The following NCR1 variants were observed in gnomAD, a reference collection of about 807,000 sequenced individuals.
NCR1 encodes natural cytotoxicity triggering receptor 1, also known as NK cell-activating receptor.
A neutral mutation model predicts 32.5 loss-of-function variants in NCR1; 30 were observed. The observed-to-expected ratio is 0.92, with a 90% confidence interval of 0.69 to 1.25. The LOEUF (loss-of-function observed/expected upper bound fraction) is 1.25, where lower values mean the gene tolerates loss of function less well. NCR1 is among the 50% of genes most tolerant of loss of function. The pLI is 0.00. For synonymous variants in NCR1, 169 were observed against 143.4 expected (o/e 1.18, Z -1.28); for missense variants, 369 against 380.7 (o/e 0.97, Z 0.26).
chr19:54,934,995 C>T, the NCR1 span, among the ~76,000 whole-genome samples: 5 of 152,282 alleles, frequency 3.3e-5, no homozygotes, highest in East Asian at 5.8e-4. The surrounding 1 kb of genome is among the most constrained non-coding windows in gnomAD (Gnocchi z 6.7). Context: ...CCGCGCCTGG[C>T]CCAGATCAGC....
downstream of NCR1, among the ~76,000 whole-genome samples, chr19:54,916,317 C>CT (rs71181711): frequency 0.12 from 10,603 of 86,930 alleles, 1,566 homozygotes; most frequent in Non-Finnish European, 0.17. Flanking sequence ...GAATATTGTG[C>CT]TTTTTTTTTT....
At chr19:54,937,938 C>T in the NCR1 span, 1 of 837,124 alleles carries the variant, frequency 1.2e-6, no homozygotes, top group East Asian at 2.4e-5. Flanking sequence ...TGGAAAATCC[C>T]CAAATACATG....
At chr19:54,933,673 C>G in the NCR1 span, 6 of 1,613,882 alleles carry the variant, frequency 3.7e-6, no homozygotes, top group African/African-American at 8.0e-5. Flanking sequence ...GTGTCAGCTT[C>G]TTGCTGACAA....
At chr19:54,934,556 G>A in the NCR1 span, 14 of 1,614,008 alleles carry the variant, frequency 8.7e-6, no homozygotes, top group South Asian at 1.4e-4. This position sits in a 1 kb window ranked among gnomAD's most constrained non-coding sequence, Gnocchi z 6.7. Flanking sequence ...CCCTCATCCA[G>A]GAGCACATTG....
intron 4 of NCR1, among the ~76,000 whole-genome samples, chr19:54,909,733 G>A (rs923339717): frequency 3.3e-5 from 5 of 151,906 alleles, no homozygotes; most frequent in Non-Finnish European, 5.9e-5. Context: ...TCAGGAGTTC[G>A]AGACCAGCCT....
chr19:54,930,259 G>GAATTCA, the NCR1 span, among the ~76,000 whole-genome samples: 13 of 151,892 alleles, frequency 8.6e-5, no homozygotes, highest in Non-Finnish European at 2.9e-5. Flanking sequence ...TTGAGCACCA[G>GAATTCA]AATTCAAAAC....
the NCR1 span, among the ~76,000 whole-genome samples, chr19:54,926,789 G>A: frequency 3.3e-5 from 5 of 151,764 alleles, no homozygotes; most frequent in Admixed American, 1.3e-4. Context: ...GGTGGCGAGC[G>A]ACTGTAATCC....
At chr19:54,903,197 G>T (rs1362555462), upstream of NCR1, among the ~76,000 whole-genome samples, 2 of 151,528 alleles carry the variant, frequency 1.3e-5, no homozygotes, top group Non-Finnish European at 2.9e-5. Flanking sequence ...TTGTACAGTA[G>T]TCACATGTAT....
chr19:54,906,321 C>A lies in NCR1; in HGVS notation c.57C>A (p.Ile19=). Residue 19 remains isoleucine (I), a synonymous_variant, in exon 2 of 7, where the codon ATC becomes ATA. Coordinates refer to ENST00000291890, the MANE Select transcript of NCR1 (RefSeq NM_004829.7). ...CAGGGCTGTGTCTGAGTCAGAGGAT[C>A]AGCGCCCAGCAGCGTGAGTCCTTCC... ...LCVGLCLSQR[I]SAQQQTLPKP... The A allele has an allele frequency of 6.2e-7, 1 of 1,613,874 alleles. No homozygotes were observed. The highest frequency in any genetic ancestry group is 1.1e-5 in the South Asian group (1 of 91,084).
chr19:54,912,659 G>A (rs753612938), intron 6 of NCR1, 31 bp from the exon 7 acceptor site: 3 of 896,820 alleles, frequency 3.3e-6, no homozygotes, highest in Non-Finnish European at 3.4e-6. Flanking sequence ...TTACATCCCT[G>A]TCAGCGATCA....
the NCR1 span, chr19:54,936,162 G>C: frequency 1.9e-6 from 2 of 1,031,816 alleles, no homozygotes; most frequent in South Asian, 2.6e-5. Flanking sequence ...TTCCCTGTCT[G>C]GGACGGCATC....
chr19:54,927,890 G>C, the NCR1 span: 1 of 875,042 alleles, frequency 1.1e-6, no homozygotes, highest in Non-Finnish European at 1.9e-6. Flanking sequence ...CCAGGTGTTC[G>C]AGACCAGCCT....
chr19:54,912,195 C>T lies in NCR1; in HGVS notation c.710C>T (p.Thr237Ile). Residue 237 changes from threonine to isoleucine, a missense_variant, in exon 6 of 7, where the codon ACC (threonine) becomes ATC (isoleucine). Physicochemically the swap from Thr to Ile is moderately conservative, Grantham distance 89. Transcript: ENST00000291890. ...GACACTTGGGGCACCTACCTTTTAA[C>T]CACAGAGACGGGACTCCAGAAAGGT... ...PADTWGTYLL[T>I]TETGLQKDHA... is the part of the protein sequence containing the mutation. 1 of 1,613,942 alleles carries T rather than the reference C, an allele frequency of 6.2e-7. No homozygotes were observed. The highest frequency in any genetic ancestry group is 8.5e-7 in the Non-Finnish European group (1 of 1,179,908).
chr19:54,929,319 C>T, the NCR1 span, among the ~76,000 whole-genome samples: 7 of 152,108 alleles, frequency 4.6e-5, no homozygotes, highest in African/African-American at 1.7e-4. Context: ...GAGCCAAGAT[C>T]GCACCACTGC....
the NCR1 span, among the ~76,000 whole-genome samples, chr19:54,921,359 A>C: frequency 6.6e-6 from 1 of 152,224 alleles, no homozygotes; most frequent in Non-Finnish European, 1.5e-5. Flanking sequence ...GCATTTGAGA[A>C]GACTTATCTT....
chr19:54,918,761 G>T (rs1602082781), downstream of NCR1, among the ~76,000 whole-genome samples: 1 of 151,568 alleles, frequency 6.6e-6, no homozygotes, highest in East Asian at 2.0e-4. Context: ...CAGGTGTATC[G>T]CCTGAGGCCA....
downstream of NCR1, chr19:54,915,831 G>T (rs2068120687): frequency 8.0e-6 from 1 of 124,910 alleles, no homozygotes; most frequent in Non-Finnish European, 1.6e-5. Flanking sequence ...GACAGAGCGA[G>T]ACTCCATCTC....
upstream of NCR1, among the ~76,000 whole-genome samples, chr19:54,903,491 CATAT>C (rs913662242): frequency 7.7e-6 from 1 of 129,282 alleles, no homozygotes; most frequent in African/African-American, 2.7e-5. Flanking sequence ...TATGTATATA[CATAT>C]ATGTATGTAT....
the NCR1 span, among the ~76,000 whole-genome samples, chr19:54,933,274 T>C: frequency 6.6e-6 from 1 of 152,122 alleles, no homozygotes; most frequent in African/African-American, 2.4e-5. Context: ...TCCTCCCAAG[T>C]AGCTGGGACT....
Sources: allele counts gnomAD v4.1 joint callset (sites outside exome capture counted in the v4.1 genomes callset), GRCh38; gene constraint gnomAD v4.1.1; non-coding constraint Gnocchi (gnomAD v3.1); transcripts MANE v1.5; gene names NCBI Gene and HGNC (gene_info 2026-07-23, HGNC 2026-07-21).